Variants in WDR74 observed in about 807,000 individuals in gnomAD.
WDR74 encodes the protein WD repeat-containing protein 74.
WDR74 carries 31 observed loss-of-function variants against 45.6 expected under a neutral mutation model. The ratio of observed to expected loss-of-function variants is 0.68; its 90% CI spans 0.51 to 0.92. The LOEUF (loss-of-function observed/expected upper bound fraction) is 0.92, where lower values mean the gene tolerates loss of function less well. WDR74 is among the 40% of genes least tolerant of loss of function. The pLI is 0.00. For missense variants in WDR74, 455 were observed against 497.2 expected (o/e 0.92, Z 0.81); for synonymous variants, 191 against 192.4 (o/e 0.99, Z 0.06).
intron 8 of WDR74, 22 bp from the exon 9 acceptor site, chr11:62,833,959 C>G (rs1206956217): frequency 1.2e-6 from 2 of 1,609,278 alleles, no homozygotes; most frequent in East Asian, 4.5e-5. Flanking sequence ...GGGAAGCATC[C>G]GTGATAACTG....
chr11:62,834,079 C>A, intron 8 of WDR74, 142 bp from the exon 9 acceptor site: 2 of 1,427,134 alleles, frequency 1.4e-6, no homozygotes, highest in East Asian at 4.6e-5. Flanking sequence ...ATTTCCATTT[C>A]GCAGGTGAGG....
chr11:62,841,263 G>A (rs1165004893), upstream of WDR74, among the ~76,000 whole-genome samples: 3 of 152,188 alleles, frequency 2.0e-5, no homozygotes, highest in Non-Finnish European at 2.9e-5. Context: ...GTTGCAGTGA[G>A]CTGAGATCAT....
intron 3 of WDR74, among the ~76,000 whole-genome samples, chr11:62,838,562 C>G (rs995131759): frequency 1.3e-5 from 2 of 151,538 alleles, no homozygotes; most frequent in African/African-American, 4.8e-5. Context: ...AGTTCGAGAC[C>G]AGCCTAGCCA....
chr11:62,837,756 C>A (rs549712536), intron 3 of WDR74, among the ~76,000 whole-genome samples: 2 of 152,276 alleles, frequency 1.3e-5, no homozygotes, highest in South Asian at 4.2e-4. Context: ...ACCACCAAAC[C>A]TATGCAGCCT....
In WDR74 at chr11:62,839,337, G is replaced by C; in HGVS notation, c.156C>G (p.Thr52=). The C allele has an allele frequency of 6.2e-7, 1 of 1,611,006 alleles. No individual in the cohort carries two copies. Among genetic ancestry groups the C allele is most frequent in the Non-Finnish European group, 8.5e-7 (1 of 1,179,616 alleles). The change falls in exon 2 of 11, where the codon ACC becomes ACG. Residue 52 remains threonine, a synonymous_variant. Transcript: ENST00000278856. Reference sequence around the variant, plus strand: ...GGCCACTCACCTGGGTCTCGCCGCCGGTGCCCCAACACAGGGCGCTCACTG... The same window carrying C: ...GGCCACTCACCTGGGTCTCGCCGCCCGTGCCCCAACACAGGGCGCTCACTG... ...EEAVSALCWG[T]GGETQMLVGC... is the part of the protein sequence containing the mutation.
chr11:62,841,455 T>A (rs533222613), upstream of WDR74: 8 of 152,342 alleles, frequency 5.3e-5, no homozygotes, highest in African/African-American at 1.4e-4. Flanking sequence ...CGTGCTCAGT[T>A]ATAAAACAAA....
intron 6 of WDR74, 76 bp from the exon 7 acceptor site, chr11:62,834,603 C>T: frequency 1.6e-6 from 2 of 1,247,776 alleles, no homozygotes; most frequent in South Asian, 2.7e-5. Flanking sequence ...TCCTCACCCC[C>T]TCCCTGCACA....
chr11:62,834,389 A>AGGGGGGG, intron 7 of WDR74, 38 bp downstream of exon 7: 3 of 1,592,082 alleles, frequency 1.9e-6, no homozygotes, highest in South Asian at 1.1e-5. Context: ...GCCCTTCTCA[A>AGGGGGGG]GCCCCACCCT....
At chr11:62,838,265 G>C (rs2084987917) in intron 3 of WDR74, among the ~76,000 whole-genome samples, 1 of 152,048 alleles carries the variant, frequency 6.6e-6, no homozygotes, top group Admixed American at 6.5e-5. Context: ...CGATTCTCCA[G>C]CCTCGGCCTC....
At chr11:62,841,808 A>G (rs892915108), upstream of WDR74, 1 of 152,264 alleles carries the variant, frequency 6.6e-6, no homozygotes, top group East Asian at 1.9e-4. Flanking sequence ...CCGAGAAGCG[A>G]TACCTTTACT....
At chr11:62,841,071 C>A (rs1002528384), upstream of WDR74, among the ~76,000 whole-genome samples, 17 of 152,174 alleles carry the variant, frequency 1.1e-4, no homozygotes, top group Non-Finnish European at 2.5e-4. Flanking sequence ...GTATTCCCAG[C>A]ACTTTGGGAG....
intron 3 of WDR74, among the ~76,000 whole-genome samples, chr11:62,838,197 GACTGGAGTGC>G (rs2084986627): frequency 6.6e-6 from 1 of 152,114 alleles, no homozygotes; most frequent in Non-Finnish European, 1.5e-5. Flanking sequence ...CTGTTTCACA[GACTGGAGTGC>G]ACTGGTGCGA....
chr11:62,839,466 G>A (rs1248282343), intron 1 of WDR74, 38 bp from the exon 2 acceptor site: 2 of 1,613,524 alleles, frequency 1.2e-6, no homozygotes, highest in Admixed American at 3.3e-5. Context: ...AGGGGCGCGA[G>A]TGCACCCCTG....
At chr11:62,841,278 TTG>T (rs2085042364), upstream of WDR74, among the ~76,000 whole-genome samples, 2 of 151,994 alleles carry the variant, frequency 1.3e-5, no homozygotes, top group Admixed American at 1.3e-4. Context: ...GATCATGCCA[TTG>T]CACTCTAGCC....
upstream of WDR74, among the ~76,000 whole-genome samples, chr11:62,840,798 A>G (rs1256902867): frequency 2.0e-5 from 3 of 151,990 alleles, no homozygotes; most frequent in Non-Finnish European, 4.4e-5. Context: ...CATGTTAGTC[A>G]GGCTGGAATT....
rs1291446676 is a variant in WDR74, at chr11:62,835,427, T to G, written c.618+4A>C. On this transcript the variant is annotated splice_donor_region_variant and intron_variant, in intron 6 of 10. Coordinates refer to ENST00000278856, the MANE Select transcript of WDR74 (RefSeq NM_001369450.1). ...GAGAAGGCAGGTGTGAGGTGACACC[T>G]TACCTGGTGGTACCCTGTGCAGGTG... 1 of 1,613,694 alleles carries G rather than the reference T, an allele frequency of 6.2e-7. No individual in the cohort carries two copies. The highest frequency in any genetic ancestry group is 1.3e-5 in the African/African-American group (1 of 74,908).
chr11:62,834,757 G>A, intron 6 of WDR74: 1 of 532,048 alleles, frequency 1.9e-6, no homozygotes. Flanking sequence ...TTGGAAGTGT[G>A]TGAGCATTCC....
intron 3 of WDR74, among the ~76,000 whole-genome samples, chr11:62,837,909 CCTGGGCACA>C (rs1319998149): frequency 6.6e-6 from 1 of 152,146 alleles, no homozygotes; most frequent in Non-Finnish European, 1.5e-5. Flanking sequence ...TTGAGACTGG[CCTGGGCACA>C]CAGTGAGACC....
Position 62,832,975 on chromosome 11 carries a change from G to T in WDR74, c.1135C>A (p.Arg379=), listed in dbSNP as rs374045598. ...ALQTRRRKKK[R]PGSTSP ...CGTCAGGGGCTGGTGGACCCAGGCCGCTTCTTCTTTCTCCGTCTCGTTTGG... is the reference window on the plus strand; with the variant it reads ...CGTCAGGGGCTGGTGGACCCAGGCCTCTTCTTCTTTCTCCGTCTCGTTTGG... Residue 379 remains arginine (R), a synonymous_variant, in exon 11 of 11, where the codon CGG becomes AGG. Transcript: ENST00000278856. 2 of 1,606,546 alleles carry T rather than the reference G, an allele frequency of 1.2e-6. No homozygotes were observed.
Sources: gnomAD v4.1 joint callset for allele counts (sites outside exome capture counted in the v4.1 genomes callset) on GRCh38, gnomAD v4.1.1 for gene constraint, MANE v1.5 for transcripts, NCBI Gene and HGNC (gene_info 2026-07-23, HGNC 2026-07-21) for gene names.